HDHD5: variants seen among roughly 807,000 people sequenced by gnomAD.
The protein encoded by HDHD5 is haloacid dehalogenase like hydrolase domain containing 5.
In HDHD5, 34 loss-of-function variants were observed where a neutral mutation model predicts 35.5. The ratio of observed to expected loss-of-function variants is 0.96; its 90% CI spans 0.73 to 1.28. The LOEUF (loss-of-function observed/expected upper bound fraction) is 1.28. Ranked by LOEUF, HDHD5 falls within the 50% of genes most tolerant of loss-of-function variation. The pLI is 0.00. For missense variants in HDHD5, 589 were observed against 560.2 expected (o/e 1.05, Z -0.52); for synonymous variants, 248 against 240.6 (o/e 1.03, Z -0.29).
At chr22:17,157,076 T>TCTCACA (rs1555881505) in intron 1 of HDHD5, among the ~76,000 whole-genome samples, 85 of 56,170 alleles carry the variant, frequency 1.5e-3, no homozygotes, top group African/African-American at 6.2e-3. Flanking sequence ...AGACACCGTC[T>TCTCACA]CACACACATA....
At chr22:17,139,558 ATTC>A (rs1371382793) in intron 6 of HDHD5, among the ~76,000 whole-genome samples, 3 of 151,126 alleles carry the variant, frequency 2.0e-5, no homozygotes, top group Non-Finnish European at 4.4e-5. Context: ...TGGGGACGGT[ATTC>A]TTCTCTGCCC....
chr22:17,160,333 G>A (rs897367201), upstream of HDHD5, among the ~76,000 whole-genome samples: 1 of 151,258 alleles, frequency 6.6e-6, no homozygotes, highest in South Asian at 2.1e-4. Context: ...GGCAACATAG[G>A]GAGACCCCTT....
In HDHD5 at chr22:17,143,090, T is replaced by C; in HGVS notation, c.571+8A>G. On this transcript the variant is annotated splice_region_variant and intron_variant, in intron 5 of 7. Transcript: ENST00000336737. ...ACCTCACAACTCATCAAAGAGGACCTCTCTTACCTTCAATGCGGGGGAAGT... is the reference window on the plus strand; with the variant it reads ...ACCTCACAACTCATCAAAGAGGACCCCTCTTACCTTCAATGCGGGGGAAGT... The C allele has an allele frequency of 6.2e-7, 1 of 1,609,062 alleles. No homozygotes were observed. Among genetic ancestry groups the C allele is most frequent in the South Asian group, 1.1e-5 (1 of 89,806 alleles).
At chr22:17,138,528 A>T in intron 7 of HDHD5, 22 bp downstream of exon 7, 1 of 1,609,972 alleles carries the variant, frequency 6.2e-7, no homozygotes, top group Non-Finnish European at 8.5e-7. Context: ...AAAAGGGACA[A>T]AGGAGGGAGA....
chr22:17,158,151 T>C (rs2061820868), intron 1 of HDHD5, among the ~76,000 whole-genome samples: 1 of 152,110 alleles, frequency 6.6e-6, no homozygotes, highest in African/African-American at 2.4e-5. Context: ...TGAAACCCTG[T>C]CTCTACTAAA....
intron 4 of HDHD5, 100 bp downstream of exon 4, chr22:17,144,924 A>G: frequency 7.2e-7 from 1 of 1,395,430 alleles, no homozygotes; most frequent in Non-Finnish European, 1.0e-6. Context: ...TGGACAAATC[A>G]CAGCTCTGCA....
chr22:17,143,038 G>C, intron 5 of HDHD5, 60 bp downstream of exon 5: 2 of 1,587,072 alleles, frequency 1.3e-6, no homozygotes, highest in Non-Finnish European at 1.7e-6. Context: ...GAGACAGCCT[G>C]AGGGCCAGAG....
chr22:17,154,046 G>A (rs1211232698), intron 1 of HDHD5, among the ~76,000 whole-genome samples: 1 of 151,796 alleles, frequency 6.6e-6, no homozygotes, highest in Non-Finnish European at 1.5e-5. Flanking sequence ...CAGAGATGCG[G>A]TTTCCCCAGG....
At position 17,138,605 on chromosome 22, in the gene HDHD5, G is replaced by A. The variant is rs759418358; in HGVS notation, c.880C>T (p.Arg294Ter). 4 of 1,614,200 alleles carry A rather than the reference G, an allele frequency of 2.5e-6. No individual in the cohort carries two copies. Among genetic ancestry groups the A allele is most frequent in the African/African-American group, 2.7e-5 (2 of 75,044 alleles). Residue 294 changes from arginine to a stop codon, truncating the protein, a stop_gained, in exon 7 of 8, where the codon CGA (arginine) becomes TGA (stop). Transcript: ENST00000336737. LOFTEE classifies it high-confidence loss of function. ...TYQYAEDLIR[R>*]QAERRGWAAP... ...GCCCAGCCCCGCCTCTCCGCCTGTC[G>A]CCTGATCAGGTCCTCGGCATACTGG...
chr22:17,159,082 G>A lies in HDHD5; in HGVS notation c.126+44C>T, dbSNP rs1423470811. 8 of 1,231,038 alleles carry A rather than the reference G, an allele frequency of 6.5e-6. No individual in the cohort carries two copies. The African/African-American group carries it at 1.1e-4, about 17-fold the overall frequency. The allele number at this position is 1,231,038 out of a possible 1,614,324, so 76.3% of individuals were successfully genotyped here. ...CCCGCGGCTCCCCGCCCCGCCTCCG[G>A]CCCTGAGTGGCGAGTGGCTCGGCCA... On this transcript the variant is annotated intron_variant, in intron 1 of 7. Transcript: ENST00000336737.
upstream of HDHD5, chr22:17,159,439 G>A (rs2061844876): frequency 4.8e-6 from 3 of 626,938 alleles, no homozygotes; most frequent in Non-Finnish European, 8.0e-6. Flanking sequence ...CAAGGAAGAA[G>A]TGCGGGGTCC....
intron 5 of HDHD5, 112 bp downstream of exon 5, chr22:17,142,986 C>T: frequency 9.3e-7 from 1 of 1,077,750 alleles, no homozygotes. Context: ...GTCCTGACTC[C>T]AAGGCCCCTT....
rs761490527 is a variant in HDHD5 at position 17,138,507 on chromosome 22, G to C, written c.935+43C>G. 2.5e-6 allele frequency: 4 copies of C among 1,590,818 alleles called. No homozygotes were observed. In the East Asian group the frequency reaches 6.7e-5, roughly 27 times the overall value. On this transcript the variant is annotated intron_variant, in intron 7 of 7. Transcript: ENST00000336737. ...TGAGAGTAGAGGAGGAGGGAGAGAAGGGGATGTCATAAAAGGGACAAAGGA... is the reference window on the plus strand; with the variant it reads ...TGAGAGTAGAGGAGGAGGGAGAGAACGGGATGTCATAAAAGGGACAAAGGA...
In HDHD5 at chr22:17,148,434, G is replaced by A. The variant is rs368866609; in HGVS notation, c.443+14C>T. On this transcript the variant is annotated intron_variant, in intron 3 of 7. Transcript: ENST00000336737. ...GCCCCTTCCCTTCAGCCAGAGTTAA[G>A]ACCAAAAGGATACCCCTGGGCATTT... is the stretch of plus-strand genomic sequence containing the variant. The A allele has an allele frequency of 5.0e-6, 8 of 1,603,792 alleles. No homozygotes were observed. The African/African-American group carries it at 1.1e-4, about 21-fold the overall frequency.
chr22:17,138,805 G>A, intron 6 of HDHD5, 67 bp from the exon 7 acceptor site: 1 of 1,565,246 alleles, frequency 6.4e-7, no homozygotes. Context: ...GAACACGACT[G>A]CCACTGTCTA....
chr22:17,158,992 C>G, intron 1 of HDHD5, 134 bp downstream of exon 1: 1 of 818,962 alleles, frequency 1.2e-6, no homozygotes, highest in Non-Finnish European at 1.6e-6. Context: ...GCGATGCACT[C>G]GGGCGCGACG....
chr22:17,144,342 T>G (rs1274344572), intron 4 of HDHD5, among the ~76,000 whole-genome samples: 1 of 151,026 alleles, frequency 6.6e-6, no homozygotes, highest in East Asian at 1.9e-4. Context: ...CTCCAACGCC[T>G]GGGCTCAAGC....
intron 1 of HDHD5, among the ~76,000 whole-genome samples, chr22:17,154,814 A>G (rs1204048131): frequency 6.7e-6 from 1 of 149,088 alleles, no homozygotes; most frequent in Non-Finnish European, 1.5e-5. Flanking sequence ...TTTCTTTTGT[A>G]GAGACAGGGT....
intron 1 of HDHD5, among the ~76,000 whole-genome samples, chr22:17,150,643 C>T (rs1298611042): frequency 1.3e-5 from 2 of 152,014 alleles, no homozygotes; most frequent in Admixed American, 6.6e-5. Flanking sequence ...CTCACTCTCC[C>T]GAATAGCTGG....
Sources: allele counts gnomAD v4.1 joint callset (sites outside exome capture counted in the v4.1 genomes callset), GRCh38; gene constraint gnomAD v4.1.1; transcripts MANE v1.5; gene names NCBI Gene and HGNC (gene_info 2026-07-23, HGNC 2026-07-21).